The following DLG2 variants were observed in gnomAD, a reference collection of about 807,000 sequenced individuals.
DLG2 encodes disks large homolog 2.
A neutral mutation model predicts 132.5 loss-of-function variants in DLG2; 45 were observed. The observed-to-expected ratio is 0.34, with a 90% CI of 0.27 to 0.44. The LOEUF is 0.44. DLG2 is among the 20% of genes least tolerant of loss of function. The pLI is 1.00. For synonymous variants in DLG2, 424 were observed against 419.6 expected (o/e 1.01, Z -0.13); for missense variants, 1,045 against 1,196.9 (o/e 0.87, Z 1.87).
intron 7 of DLG2, among the ~76,000 whole-genome samples, chr11:84,514,901 G>C (rs921748827): frequency 6.6e-6 from 1 of 151,812 alleles, no homozygotes; most frequent in African/African-American, 2.4e-5. Flanking sequence ...TTGCATGCCT[G>C]TACCAAAATA....
At chr11:83,957,570 T>TA (rs1411559976) in intron 14 of DLG2, among the ~76,000 whole-genome samples, 1,142 of 109,310 alleles carry the variant, frequency 0.01, 12 homozygotes, top group South Asian at 0.054. Flanking sequence ...TTTTTTTTTT[T>TA]TAAAAACATA....
chr11:84,848,917 C>T (rs984332104), intron 6 of DLG2, among the ~76,000 whole-genome samples: 2 of 152,172 alleles, frequency 1.3e-5, no homozygotes, highest in Admixed American at 6.5e-5. Flanking sequence ...TGGTCTGGGA[C>T]TTATATTAAT....
intron 7 of DLG2, among the ~76,000 whole-genome samples, chr11:84,461,026 T>G (rs752333917): frequency 6.6e-6 from 1 of 150,856 alleles, no homozygotes; most frequent in Non-Finnish European, 1.5e-5. Context: ...AAATGGCCCC[T>G]GAAAATTTCT....
chr11:83,756,352 G>C (rs2093644414), intron 18 of DLG2, among the ~76,000 whole-genome samples: 1 of 151,418 alleles, frequency 6.6e-6, no homozygotes, highest in Admixed American at 6.6e-5. Context: ...AATTGGTAAA[G>C]ATATAAGATT....
chr11:85,176,647 A>C (rs1351405381), intron 4 of DLG2, among the ~76,000 whole-genome samples: 1 of 152,228 alleles, frequency 6.6e-6, no homozygotes, highest in Non-Finnish European at 1.5e-5. Flanking sequence ...TCTGTGCAAC[A>C]AAAGAAACTA....
intron 17 of DLG2, chr11:83,791,369 ATCTG>A (rs1379496415): frequency 7.4e-6 from 5 of 678,074 alleles, no homozygotes; most frequent in East Asian, 2.8e-5. Flanking sequence ...TTGCTTTTTG[ATCTG>A]TCTTTTTTTT....
At chr11:85,193,030 A>G (rs893734595) in intron 4 of DLG2, among the ~76,000 whole-genome samples, 1 of 152,218 alleles carries the variant, frequency 6.6e-6, no homozygotes, top group Non-Finnish European at 1.5e-5. Context: ...ATATAATTCC[A>G]GAACATTTTC....
chr11:84,603,537 A>G (rs1345727673), intron 6 of DLG2, among the ~76,000 whole-genome samples: 1 of 151,916 alleles, frequency 6.6e-6, no homozygotes, highest in East Asian at 1.9e-4. Flanking sequence ...ACTGTGGAAG[A>G]AAAAAGATAA....
intron 6 of DLG2, among the ~76,000 whole-genome samples, chr11:85,064,584 T>C (rs763449179): frequency 3.3e-5 from 5 of 151,686 alleles, no homozygotes; most frequent in Non-Finnish European, 5.9e-5. Context: ...GGAGTGAAAA[T>C]TGATTATGTA....
At chr11:83,776,247 A>G (rs2153801258) in intron 18 of DLG2, among the ~76,000 whole-genome samples, 1 of 152,222 alleles carries the variant, frequency 6.6e-6, no homozygotes, top group African/African-American at 2.4e-5. Flanking sequence ...ATTTATGTCT[A>G]TTGGTTTTAT....
intron 7 of DLG2, among the ~76,000 whole-genome samples, chr11:84,499,253 T>C (rs2099194890): frequency 1.3e-5 from 2 of 152,220 alleles, no homozygotes; most frequent in Admixed American, 1.3e-4. Context: ...GTCTGCTTCA[T>C]AGGGCTGTTA....
chr11:84,955,944 A>T (rs2051601890), intron 6 of DLG2, among the ~76,000 whole-genome samples: 1 of 152,196 alleles, frequency 6.6e-6, no homozygotes, highest in Non-Finnish European at 1.5e-5. Flanking sequence ...ACCTGAAATT[A>T]AATTCTGAGG....
intron 3 of DLG2, among the ~76,000 whole-genome samples, chr11:85,302,092 T>A (rs1219612100): frequency 6.6e-6 from 1 of 152,158 alleles, no homozygotes; most frequent in Non-Finnish European, 1.5e-5. Flanking sequence ...TAACTACCTA[T>A]AATTCACAGG....
intron 5 of DLG2, among the ~76,000 whole-genome samples, chr11:85,115,703 G>A (rs911702712): frequency 2.4e-4 from 37 of 151,974 alleles, no homozygotes; most frequent in Non-Finnish European, 2.9e-4. Context: ...TTAAGGAGGC[G>A]AAGGTGTAAG....
At chr11:84,784,076 T>C (rs1184430970) in intron 6 of DLG2, among the ~76,000 whole-genome samples, 1 of 135,318 alleles carries the variant, frequency 7.4e-6, no homozygotes, top group East Asian at 2.2e-4. Flanking sequence ...GGCGGGTGGA[T>C]CGCCTGAGGT....
chr11:84,134,261 C>A (rs548487800), intron 9 of DLG2, among the ~76,000 whole-genome samples: 2 of 151,050 alleles, frequency 1.3e-5, no homozygotes, highest in Non-Finnish European at 3.0e-5. Flanking sequence ...TAGAAACAGT[C>A]TTCCTGAGGA....
chr11:85,033,351 G>A (rs561539773), intron 6 of DLG2, among the ~76,000 whole-genome samples: 5 of 136,626 alleles, frequency 3.7e-5, no homozygotes, highest in South Asian at 4.5e-4. Context: ...AGGCTAGCAT[G>A]TGCTCCTTAC....
chr11:83,527,274 T>C (rs184667293), intron 21 of DLG2, among the ~76,000 whole-genome samples: 3 of 152,200 alleles, frequency 2.0e-5, no homozygotes, highest in Non-Finnish European at 2.9e-5. Context: ...AAGTGTTACA[T>C]GATGTCAATA....
chr11:85,427,058 G>A (rs927191298), intron 3 of DLG2, among the ~76,000 whole-genome samples: 1 of 152,278 alleles, frequency 6.6e-6, no homozygotes. Context: ...GAAATGAAGT[G>A]AGAAGGGAAG....
Sources: gnomAD v4.1 joint callset for allele counts (sites outside exome capture counted in the v4.1 genomes callset) on GRCh38, gnomAD v4.1.1 for gene constraint, MANE v1.5 for transcripts, NCBI Gene and HGNC (gene_info 2026-07-23, HGNC 2026-07-21) for gene names.